The following MRC1 variants were observed in gnomAD, a reference collection of about 807,000 sequenced individuals.
The protein encoded by MRC1 is macrophage mannose receptor 1.
Under a neutral mutation model 102.9 loss-of-function variants are expected in MRC1, and 62 were observed. That is an observed-to-expected ratio of 0.60 (90% CI 0.49 to 0.74). The LOEUF (loss-of-function observed/expected upper bound fraction) is 0.74. MRC1 is among the 30% of genes least tolerant of loss of function. The pLI, the probability that MRC1 is intolerant of heterozygous loss-of-function variation, is 0.00. For synonymous variants in MRC1, 457 were observed against 298.4 expected (o/e 1.53, Z -5.48); for missense variants, 1,237 against 862.8 (o/e 1.43, Z -5.43).
chr10:17,879,211 G>T (rs1386568678), intron 18 of MRC1, among the ~76,000 whole-genome samples: 2 of 152,146 alleles, frequency 1.3e-5, no homozygotes, highest in Non-Finnish European at 2.9e-5. Context: ...AAAGAAGGTA[G>T]CCTGGACATG....
At chr10:17,841,244 A>T (rs1232013861) in intron 5 of MRC1, among the ~76,000 whole-genome samples, 4 of 152,194 alleles carry the variant, frequency 2.6e-5, no homozygotes, top group Non-Finnish European at 5.9e-5. Flanking sequence ...TGACAAGTGG[A>T]TTGAAATTAT....
intron 6 of MRC1, among the ~76,000 whole-genome samples, chr10:17,848,357 T>G (rs943255830): frequency 4.7e-4 from 71 of 152,330 alleles, no homozygotes; most frequent in Non-Finnish European, 7.8e-4. Context: ...ATTCTTTTTC[T>G]CTTCCAATAC....
intron 9 of MRC1, among the ~76,000 whole-genome samples, chr10:17,857,206 G>A (rs1250689268): frequency 6.6e-6 from 1 of 152,180 alleles, no homozygotes; most frequent in Non-Finnish European, 1.5e-5. Flanking sequence ...TGATTTCACA[G>A]TTCCTCTTCT....
At chr10:17,906,555 T>G (rs2130724654) in intron 26 of MRC1, among the ~76,000 whole-genome samples, 1 of 152,332 alleles carries the variant, frequency 6.6e-6, no homozygotes, top group South Asian at 2.1e-4. Context: ...ATATGGCACT[T>G]AATTTCTCTT....
At chr10:17,857,267 A>G (rs1050690839) in intron 9 of MRC1, among the ~76,000 whole-genome samples, 8 of 152,212 alleles carry the variant, frequency 5.3e-5, no homozygotes, top group African/African-American at 1.2e-4. Context: ...TAGCTTTCTG[A>G]TAGAAACAGA....
chr10:17,854,168 T>C (rs1012524923), intron 8 of MRC1, among the ~76,000 whole-genome samples: 3 of 152,194 alleles, frequency 2.0e-5, no homozygotes, highest in Non-Finnish European at 4.4e-5. Flanking sequence ...CCCAAGCTAG[T>C]CTTGAACTCC....
intron 4 of MRC1, 36 bp from the exon 5 acceptor site, chr10:17,840,657 T>A (rs1838736481): frequency 1.3e-6 from 1 of 779,176 alleles, no homozygotes; most frequent in South Asian, 1.3e-5. Flanking sequence ...AATGCCAAGT[T>A]CTTGTTTGTT....
chr10:17,871,417 C>T (rs1296909103), intron 14 of MRC1, among the ~76,000 whole-genome samples: 1 of 152,114 alleles, frequency 6.6e-6, no homozygotes, highest in African/African-American at 2.4e-5. Context: ...GTCCAGAACC[C>T]CGTGGGTTAT....
intron 1 of MRC1, among the ~76,000 whole-genome samples, chr10:17,820,789 A>T (rs1255166543): frequency 6.6e-6 from 1 of 152,208 alleles, no homozygotes; most frequent in East Asian, 1.9e-4. Flanking sequence ...TTCAGAGTTC[A>T]TTACATTTTG....
At chr10:17,869,993 T>A (rs2130674930) in intron 12 of MRC1, among the ~76,000 whole-genome samples, 1 of 152,202 alleles carries the variant, frequency 6.6e-6, no homozygotes, top group East Asian at 1.9e-4. Context: ...GCTCCTAAGA[T>A]TTTCATCTAA....
chr10:17,848,162 C>A (rs1838854767), intron 6 of MRC1, among the ~76,000 whole-genome samples: 1 of 152,042 alleles, frequency 6.6e-6, no homozygotes. Context: ...AAGAAAGGTA[C>A]CCTATAACGA....
At chr10:17,904,133 A>ACTTT (rs1833866424) in intron 26 of MRC1, among the ~76,000 whole-genome samples, 1 of 152,204 alleles carries the variant, frequency 6.6e-6, no homozygotes, top group Non-Finnish European at 1.5e-5. Context: ...GTATTGTTTT[A>ACTTT]CACAGTTATC....
At chr10:17,850,860 C>T (rs1838904257) in intron 7 of MRC1, among the ~76,000 whole-genome samples, 1 of 152,188 alleles carries the variant, frequency 6.6e-6, no homozygotes, top group African/African-American at 2.4e-5. Context: ...AACACTCCTA[C>T]TTCTAGCACC....
intron 21 of MRC1, among the ~76,000 whole-genome samples, chr10:17,883,485 T>A (rs993682798): frequency 8.6e-5 from 13 of 151,830 alleles, no homozygotes; most frequent in East Asian, 1.9e-4. Flanking sequence ...TTTTTTTTTT[T>A]AAATCCTTAA....
Position 17,869,450 on chromosome 10 carries a change from C to G in MRC1, c.1984-796C>G, listed in dbSNP as rs895869897. Among the ~76,000 whole-genome samples, 814 of 152,142 alleles carry G rather than the reference C, an allele frequency of 5.4e-3. 4 individuals carry two copies. Among genetic ancestry groups the G allele is most frequent in the Non-Finnish European group, 8.6e-3 (587 of 67,994 alleles). The stretch of plus-strand genomic sequence containing the variant: ...CCTTGGAAGCAAATTTTTTTTCCCA[C>G]AAGGCTGTGATGTGGGAATGATGAG... On this transcript the variant is annotated intron_variant, in intron 12 of 29. Transcript: ENST00000569591.
chr10:17,861,244 C>T lies in MRC1; in HGVS notation c.1519-143C>T, dbSNP rs997119498. 6.9e-4 allele frequency: 352 copies of T among 510,124 alleles called. 1 individual carries two copies. The Middle Eastern group carries it at 7.9e-3, about 11-fold the overall frequency. 31.6% of individuals were successfully genotyped at this position (510,124 alleles called of 1,614,324 possible). Reference sequence around the variant, plus strand: ...AGGAGAATTGCTTGAACCTGGCAGGCGGAGGTTGCAGTGAGCCAAGATTGC... The same window carrying T: ...AGGAGAATTGCTTGAACCTGGCAGGTGGAGGTTGCAGTGAGCCAAGATTGC... On this transcript the variant is annotated intron_variant, in intron 9 of 29. Transcript: ENST00000569591.
At chr10:17,853,600 GTATA>G (rs1215208967) in intron 8 of MRC1, among the ~76,000 whole-genome samples, 13,758 of 127,560 alleles carry the variant, frequency 0.11, 792 homozygotes, top group Non-Finnish European at 0.17. Context: ...GTGTGTGTGT[GTATA>G]TATATATATA....
In MRC1 at chr10:17,853,615, T is replaced by C. The variant is rs890313354; in HGVS notation, c.1407+491T>C. On this transcript the variant is annotated intron_variant, in intron 8 of 29. Transcript: ENST00000569591. ...GTGTGTGTGTGTATATATATATATA[T>C]GTAAAAAGAGATTGTAGCCCCGTAT... 3.4e-3 allele frequency among the ~76,000 whole-genome samples: 502 copies of C among 149,110 alleles called. 4 individuals carry two copies. Among genetic ancestry groups the C allele is most frequent in the African/African-American group, 0.011 (431 of 40,002 alleles).
At chr10:17,887,051 A>G (rs1444706017) in intron 22 of MRC1, among the ~76,000 whole-genome samples, 1 of 152,156 alleles carries the variant, frequency 6.6e-6, no homozygotes, top group Non-Finnish European at 1.5e-5. Flanking sequence ...TGCCGGGTGA[A>G]TACATTCTGG....
Sources: allele counts gnomAD v4.1 joint callset (sites outside exome capture counted in the v4.1 genomes callset), GRCh38; gene constraint gnomAD v4.1.1; transcripts MANE v1.5; gene names NCBI Gene and HGNC (gene_info 2026-07-23, HGNC 2026-07-21).